LPA: variants seen among roughly 807,000 people sequenced by gnomAD.
The protein encoded by LPA is apolipoprotein(a).
Under a neutral mutation model 197.9 loss-of-function variants are expected in LPA, and 199 were observed. The ratio of observed to expected loss-of-function variants is 1.01; its 90% CI spans 0.90 to 1.13. The LOEUF (loss-of-function observed/expected upper bound fraction) is 1.13, where lower values mean the gene tolerates loss of function less well. Ranked by LOEUF, LPA falls within the 50% of genes most tolerant of loss-of-function variation. The pLI is 0.00. For synonymous variants in LPA, 715 were observed against 639.5 expected (o/e 1.12, Z -1.78); for missense variants, 1,853 against 1,785.8 (o/e 1.04, Z -0.68).
chr6:160,574,057 G>T (rs985128011), intron 28 of LPA, among the ~76,000 whole-genome samples: 1 of 152,088 alleles, frequency 6.6e-6, no homozygotes, highest in Non-Finnish European at 1.5e-5. Context: ...GACTTTCCTT[G>T]GGCACGTCTT....
In LPA at chr6:160,574,612, A is replaced by G. The variant is rs989572798; in HGVS notation, c.4631+2524T>C. On this transcript the variant is annotated intron_variant, in intron 28 of 38. Transcript: ENST00000316300. ...TCTACCCCTATATTTTGCTTGGCTC[A>G]GCTCTCTAAATTTACTGAGGCCCAG... 4.6e-5 allele frequency among the ~76,000 whole-genome samples: 7 copies of G among 152,220 alleles called. 1 individual carries two copies. In the Middle Eastern group the frequency reaches 0.01, roughly 222 times the overall value.
At chr6:160,610,402 G>T (rs1303011468) in intron 16 of LPA, among the ~76,000 whole-genome samples, 1 of 152,046 alleles carries the variant, frequency 6.6e-6, no homozygotes, top group African/African-American at 2.4e-5. Context: ...TGGCTGTTCT[G>T]GGGTCTCCAC....
intron 28 of LPA, among the ~76,000 whole-genome samples, chr6:160,572,208 C>T (rs761667125): frequency 7.9e-5 from 12 of 152,196 alleles, no homozygotes; most frequent in Non-Finnish European, 1.8e-4. Context: ...GCTGCACCCA[C>T]TGTCTAACCA....
At chr6:160,539,127 C>G (rs1010647679) in intron 36 of LPA, among the ~76,000 whole-genome samples, 2 of 152,304 alleles carry the variant, frequency 1.3e-5, no homozygotes, top group Admixed American at 1.3e-4. Flanking sequence ...AGGAGAGCAG[C>G]TCAGGCTCCT....
chr6:160,601,027 C>T lies in LPA; in HGVS notation c.3017G>A (p.Ser1006Asn), dbSNP rs368925800. 2.4e-5 allele frequency: 39 copies of T among 1,613,944 alleles called. No individual in the cohort carries two copies. Among genetic ancestry groups the T allele is most frequent in the African/African-American group, 5.3e-5 (4 of 74,916 alleles). The change falls in exon 19 of 39, where the codon AGT becomes AAT. Residue 1006 changes from serine to asparagine, a missense_variant. Around this residue, in one of 3 missense-constraint regions of LPA, gnomAD observed 1,737 missense variants for 1,504.4 expected, o/e 1.15. Coordinates refer to ENST00000316300, the MANE Select transcript of LPA (RefSeq NM_005577.4). Reference sequence around the variant, plus strand: ...CAGGTTGCAGTACTCCCACCTGACACTGGGATCTGTTGTATAACACCAAGG... The same window carrying T: ...CAGGTTGCAGTACTCCCACCTGACATTGGGATCTGTTGTATAACACCAAGG... Reference protein sequence around the residue: ...AAPWCYTTDPSVRWEYCNLTR... With the variant: ...AAPWCYTTDPNVRWEYCNLTR...
chr6:160,567,778 A>C, intron 28 of LPA, among the ~76,000 whole-genome samples: 1 of 152,192 alleles, frequency 6.6e-6, no homozygotes, highest in Non-Finnish European at 1.5e-5. Context: ...AGAGAGAAGA[A>C]TCAAATAGAT....
intron 24 of LPA, among the ~76,000 whole-genome samples, chr6:160,587,719 C>T (rs138591677): frequency 6.7e-6 from 1 of 150,112 alleles, no homozygotes; most frequent in African/African-American, 2.5e-5. Context: ...CCTAGATGCC[C>T]TTGAGGCTCT....
chr6:160,664,079 A>G, intron 1 of LPA, 87 bp downstream of exon 1: 1 of 1,199,246 alleles, frequency 8.3e-7, no homozygotes, highest in Non-Finnish European at 1.2e-6. Context: ...AAATTAAATG[A>G]ATTGCACATA....
intron 17 of LPA, among the ~76,000 whole-genome samples, 194 bp from the exon 18 acceptor site, chr6:160,605,399 C>T (rs1779327437): frequency 6.6e-6 from 1 of 152,164 alleles, no homozygotes; most frequent in African/African-American, 2.4e-5. Context: ...CAAACAAAAA[C>T]ACCAAAGAAA....
intron 16 of LPA, among the ~76,000 whole-genome samples, chr6:160,610,149 G>A (rs1779460593): frequency 6.6e-6 from 1 of 151,954 alleles, no homozygotes; most frequent in South Asian, 2.1e-4. Context: ...TTCTGGTCAT[G>A]GATCACACGA....
intron 28 of LPA, among the ~76,000 whole-genome samples, chr6:160,562,365 T>G (rs1013175635): frequency 1.3e-5 from 2 of 152,228 alleles, no homozygotes; most frequent in Non-Finnish European, 2.9e-5. Context: ...TGTGATGGAT[T>G]ATGTTTATTG....
intron 22 of LPA, among the ~76,000 whole-genome samples, chr6:160,592,155 A>G (rs939098171): frequency 1.3e-5 from 2 of 152,134 alleles, no homozygotes; most frequent in Non-Finnish European, 2.9e-5. Context: ...CCTAACACAT[A>G]TATTAAATGT....
At chr6:160,647,759 A>T (rs7453965) in intron 2 of LPA, among the ~76,000 whole-genome samples, 7,283 of 152,280 alleles carry the variant, frequency 0.048, 568 homozygotes, top group African/African-American at 0.16. Flanking sequence ...TACATGATTT[A>T]TGCTACATGT....
chr6:160,605,726 G>A (rs550890284), intron 17 of LPA, among the ~76,000 whole-genome samples: 43 of 152,280 alleles, frequency 2.8e-4, no homozygotes, highest in African/African-American at 9.4e-4. Flanking sequence ...ACAGTCCTTC[G>A]TCTAGGACTG....
At chr6:160,569,730 C>T (rs141013142) in intron 28 of LPA, among the ~76,000 whole-genome samples, 33 of 152,104 alleles carry the variant, frequency 2.2e-4, no homozygotes, top group African/African-American at 8.0e-4. Context: ...TACAATCTAC[C>T]CATCTGACAA....
At chr6:160,611,319 C>A (rs1452026364) in intron 16 of LPA, among the ~76,000 whole-genome samples, 1 of 152,098 alleles carries the variant, frequency 6.6e-6, no homozygotes, top group South Asian at 2.1e-4. Flanking sequence ...TGACTTTCTT[C>A]ATAAGGTGAT....
chr6:160,606,405 C>A, intron 17 of LPA, 72 bp downstream of exon 17: 1 of 1,569,570 alleles, frequency 6.4e-7, no homozygotes, highest in Non-Finnish European at 8.8e-7. Context: ...GAGGCTGCTG[C>A]ATCAGTGGGA....
intron 28 of LPA, 89 bp from the exon 29 acceptor site, chr6:160,557,660 T>C (rs1385813012): frequency 8.5e-7 from 1 of 1,173,354 alleles, no homozygotes; most frequent in African/African-American, 1.5e-5. Context: ...TAACAAAGTG[T>C]TAAAAAGTGA....
intron 28 of LPA, among the ~76,000 whole-genome samples, chr6:160,575,644 G>T (rs1350061743): frequency 6.6e-6 from 1 of 152,076 alleles, no homozygotes; most frequent in Admixed American, 6.6e-5. Flanking sequence ...CTTTTCTGGG[G>T]TCTCTACTGA....
Sources: allele counts gnomAD v4.1 joint callset (sites outside exome capture counted in the v4.1 genomes callset), GRCh38; gene constraint gnomAD v4.1.1; regional missense constraint gnomAD v4.1.1; transcripts MANE v1.5; gene names NCBI Gene and HGNC (gene_info 2026-07-23, HGNC 2026-07-21).